The following CEP152 variants were observed in gnomAD, a reference collection of about 807,000 sequenced individuals.
The protein encoded by CEP152 is centrosomal protein of 152 kDa.
CEP152 carries 132 observed loss-of-function variants against 188.9 expected under a neutral mutation model. The ratio of observed to expected loss-of-function variants is 0.70; its 90% CI spans 0.61 to 0.81. The LOEUF (loss-of-function observed/expected upper bound fraction) is 0.81, where lower values mean the gene tolerates loss of function less well. Ranked by LOEUF, CEP152 falls within the 30% of genes least tolerant of loss-of-function variation. CEP152 has a pLI of 0.00. For synonymous variants in CEP152, 649 were observed against 666.6 expected (o/e 0.97, Z 0.41); for missense variants, 1,914 against 1,969.8 (o/e 0.97, Z 0.54).
At chr15:48,739,820 C>A (rs1372974270) in intron 26 of CEP152, among the ~76,000 whole-genome samples, 1 of 152,144 alleles carries the variant, frequency 6.6e-6, no homozygotes, top group Non-Finnish European at 1.5e-5. Flanking sequence ...GAGTAGCAAG[C>A]CCTAGAGTCC....
Position 48,756,512 on chromosome 15 carries a change from A to G in CEP152, c.2736T>C (p.Ser912=). 1 of 1,609,420 alleles carries G rather than the reference A, an allele frequency of 6.2e-7. No individual in the cohort carries two copies. The highest frequency in any genetic ancestry group is 8.5e-7 in the Non-Finnish European group (1 of 1,179,824). ...TATTTTTCCTCATATTTTCAAGCTC[A>G]CTCTTCCATTTCTCTTTAGCTTCAG... ...AVSEAKEKWK[S]ELENMRKNIL... Residue 912 remains serine, a synonymous_variant, in exon 20 of 27, where the codon AGT becomes AGC. Coordinates refer to ENST00000380950, the MANE Select transcript of CEP152 (RefSeq NM_001194998.2).
Position 48,769,002 on chromosome 15 carries a change from A to G in CEP152, c.1862T>C (p.Ile621Thr), listed in dbSNP as rs372860195. 5.0e-6 allele frequency: 8 copies of G among 1,589,396 alleles called. No homozygotes were observed. The African/African-American group carries it at 1.1e-4, about 21-fold the overall frequency. The change falls in exon 14 of 27, where the codon ATT (isoleucine) becomes ACT (threonine). Residue 621 changes from isoleucine to threonine, a missense_variant. By Grantham distance (89) the Ile-to-Thr change is moderately conservative (BLOSUM62 -1). Coordinates refer to ENST00000380950, the MANE Select transcript of CEP152 (RefSeq NM_001194998.2). ...SSTSDVVRDD[I>T]LLLKNEIQVL... Reference sequence around the variant, plus strand: ...TTGAATTTCATTTTTAAGCAGCAGAATATCATCTCTGACAACATCAGAAGT... The same window carrying G: ...TTGAATTTCATTTTTAAGCAGCAGAGTATCATCTCTGACAACATCAGAAGT...
rs1444849694 is a variant in CEP152, at chr15:48,739,235, C to A, written c.4147G>T (p.Asp1383Tyr). 3.7e-6 allele frequency: 6 copies of A among 1,613,440 alleles called. No individual in the cohort carries two copies. Among genetic ancestry groups the A allele is most frequent in the South Asian group, 3.3e-5 (3 of 90,880 alleles). ...LIAVKKSKRN[D>Y]VNQKIPCCIE... is the part of the protein sequence containing the mutation. ...CAACATGGTATTTTCTGATTCACAT[C>A]ATTTCTTTTTGATTTTTTAACTGCA... Residue 1383 changes from aspartate to tyrosine, a missense_variant, in exon 27 of 27, where the codon GAT becomes TAT. Coordinates refer to ENST00000380950, the MANE Select transcript of CEP152 (RefSeq NM_001194998.2).
Position 48,741,929 on chromosome 15 carries a change from T to C in CEP152, c.3989+18A>G, listed in dbSNP as rs1893003741. On this transcript the variant is annotated intron_variant, in intron 25 of 26. Coordinates refer to ENST00000380950, the MANE Select transcript of CEP152 (RefSeq NM_001194998.2). ...TTGTCCTGGTAATCTCAGGACACAT[T>C]GTTCAGACTGAACTCACCCTTCTTT... is the stretch of plus-strand genomic sequence containing the variant. The C allele has an allele frequency of 6.2e-7, 1 of 1,614,050 alleles. No homozygotes were observed. The highest frequency in any genetic ancestry group is 1.3e-5 in the African/African-American group (1 of 74,926).
At chr15:48,758,224 G>A (rs1265759129) in intron 19 of CEP152, among the ~76,000 whole-genome samples, 3 of 152,162 alleles carry the variant, frequency 2.0e-5, no homozygotes, top group Admixed American at 1.3e-4. Context: ...TCTTCACACT[G>A]TCACAGATCT....
intron 5 of CEP152, 68 bp downstream of exon 5, chr15:48,797,231 AAC>A: frequency 6.5e-7 from 1 of 1,549,762 alleles, no homozygotes; most frequent in Non-Finnish European, 8.9e-7. Flanking sequence ...ACATTTCCTG[AAC>A]ACACACAAAC....
chr15:48,779,015 G>A (rs781211071), intron 12 of CEP152, among the ~76,000 whole-genome samples: 1 of 151,112 alleles, frequency 6.6e-6, no homozygotes, highest in Non-Finnish European at 1.5e-5. Flanking sequence ...AAAGTGTAAA[G>A]GTAGCAGAAT....
intron 6 of CEP152, 71 bp downstream of exon 6, chr15:48,795,938 CA>C: frequency 7.4e-7 from 1 of 1,350,418 alleles, no homozygotes; most frequent in African/African-American, 1.4e-5. Flanking sequence ...TGAATGTGCT[CA>C]AATATTCATT....
At chr15:48,782,067 G>T in intron 11 of CEP152, 72 bp downstream of exon 11, 2 of 1,386,902 alleles carry the variant, frequency 1.4e-6, no homozygotes, top group Non-Finnish European at 1.0e-6. Context: ...AGAAACCCAA[G>T]ATTCAAAAAG....
rs1418007953 is a variant in CEP152, at chr15:48,805,604, C to G, written c.46G>C (p.Asp16His). ...TAGTCCTCTTCGTCATACTCTTCAT[C>G]TTCATTTTGCACTGGTAGTGCCACA... Reference protein sequence around the residue: ...GSVALPVQNEDEEYDEEDYER... With the variant: ...GSVALPVQNEHEEYDEEDYER... Residue 16 changes from aspartate to histidine, a missense_variant, in exon 2 of 27, where the codon GAT becomes CAT. Physicochemically the swap from Asp to His is moderately conservative, Grantham distance 81. Transcript: ENST00000380950. 1 of 1,579,968 alleles carries G rather than the reference C, an allele frequency of 6.3e-7. No homozygotes were observed. The highest frequency in any genetic ancestry group is 2.4e-5 in the East Asian group (1 of 41,346).
chr15:48,734,962 A>C (rs961041244), downstream of CEP152, among the ~76,000 whole-genome samples: 1 of 152,228 alleles, frequency 6.6e-6, no homozygotes, highest in Non-Finnish European at 1.5e-5. Flanking sequence ...CAGTTGAACA[A>C]ATAGGAATAA....
At chr15:48,778,418 C>T (rs1483244970) in intron 12 of CEP152, among the ~76,000 whole-genome samples, 1 of 152,134 alleles carries the variant, frequency 6.6e-6, no homozygotes, top group Non-Finnish European at 1.5e-5. Flanking sequence ...AGTATAATAG[C>T]TTTTAGTTTT....
At chr15:48,752,049 A>G (rs910014499) in intron 21 of CEP152, among the ~76,000 whole-genome samples, 1 of 152,314 alleles carries the variant, frequency 6.6e-6, no homozygotes. Context: ...TTACTTGGCA[A>G]TTCTCTGATG....
chr15:48,768,433 A>G, intron 14 of CEP152, 105 bp from the exon 15 acceptor site: 1 of 674,584 alleles, frequency 1.5e-6, no homozygotes, highest in Non-Finnish European at 2.6e-6. Context: ...TCTCTCCCCT[A>G]TAACAATATT....
chr15:48,768,367 A>C, intron 14 of CEP152, 39 bp from the exon 15 acceptor site: 1 of 1,107,048 alleles, frequency 9.0e-7, no homozygotes, highest in Non-Finnish European at 1.4e-6. Flanking sequence ...TACAGAAAAT[A>C]AACATCATTT....
chr15:48,730,559 G>A (rs558100626), intron 2 of CEP152, among the ~76,000 whole-genome samples: 40 of 152,286 alleles, frequency 2.6e-4, no homozygotes, highest in Admixed American at 1.4e-3. Flanking sequence ...GGAAGACCTG[G>A]AAGCGCTCAG....
chr15:48,772,602 C>T lies in CEP152; in HGVS notation c.1667G>A (p.Ser556Asn). ...LKAEVQRLLG[S>N]NSMKRHLVSQ... Reference sequence around the variant, plus strand: ...CACCAGATGACGCTTCATTGAGTTGCTACCCAGCAAACGCTGTACTTCTGC... The same window carrying T: ...CACCAGATGACGCTTCATTGAGTTGTTACCCAGCAAACGCTGTACTTCTGC... The change falls in exon 13 of 27, where the codon AGC (serine) becomes AAC (asparagine). Residue 556 changes from serine (S) to asparagine (N), a missense_variant. By Grantham distance (46) the Ser-to-Asn change is conservative (BLOSUM62 1). Transcript: ENST00000380950. 1.9e-6 allele frequency: 3 copies of T among 1,614,086 alleles called. No homozygotes were observed. The highest frequency in any genetic ancestry group is 2.5e-6 in the Non-Finnish European group (3 of 1,179,984).
intron 13 of CEP152, among the ~76,000 whole-genome samples, chr15:48,769,350 C>G (rs1214309822): frequency 6.6e-6 from 1 of 152,200 alleles, no homozygotes; most frequent in Non-Finnish European, 1.5e-5. Flanking sequence ...ATCCATGATT[C>G]TGAGTGGCAT....
chr15:48,810,918 C>T (rs1175921431), intron 1 of CEP152, 43 bp downstream of exon 1: 2 of 152,634 alleles, frequency 1.3e-5, no homozygotes, highest in African/African-American at 4.8e-5. Flanking sequence ...CCCCGCAACT[C>T]CTCTAACCCC....
Sources: allele counts gnomAD v4.1 joint callset (sites outside exome capture counted in the v4.1 genomes callset), GRCh38; gene constraint gnomAD v4.1.1; transcripts MANE v1.5; gene names NCBI Gene and HGNC (gene_info 2026-07-23, HGNC 2026-07-21).